Variants in RALYL observed in about 807,000 individuals in gnomAD.
RALYL encodes the protein RNA-binding Raly-like protein.
In RALYL, 29 loss-of-function variants were observed where a neutral mutation model predicts 35.1. That is an observed-to-expected ratio of 0.83 (90% confidence interval 0.61 to 1.13). RALYL has a LOEUF of 1.13. Ranked by LOEUF, RALYL falls within the 50% of genes most tolerant of loss-of-function variation. RALYL has a pLI of 0.00. For missense variants in RALYL, 359 were observed against 360.4 expected (o/e 1.00, Z 0.03); for synonymous variants, 120 against 127.6 (o/e 0.94, Z 0.40).
chr8:84,416,887 A>G (rs531591161), intron 1 of RALYL, among the ~76,000 whole-genome samples: 15 of 152,336 alleles, frequency 9.8e-5, no homozygotes, highest in African/African-American at 3.6e-4. Flanking sequence ...CATACATAGG[A>G]AAGTGTAGCC....
At position 84,348,910 on chromosome 8, in the gene RALYL, C is replaced by A. The variant is rs978253122; in HGVS notation, c.-24+164486C>A. On this transcript the variant is annotated intron_variant, in intron 1 of 8. Coordinates refer to ENST00000521268, the MANE Select transcript of RALYL (RefSeq NM_173848.7). ...CATAGGTTAACTATGATTAACTAAC[C>A]TGTGATTAACTCACCTATGGTTAGA... Among the ~76,000 whole-genome samples, 7 of 149,848 alleles carry A rather than the reference C, an allele frequency of 4.7e-5. 1 individual carries two copies. The highest frequency in any genetic ancestry group is 1.5e-4 in the African/African-American group (6 of 40,114).
intron 2 of RALYL, among the ~76,000 whole-genome samples, chr8:84,555,243 C>T (rs2061029288): frequency 6.6e-6 from 1 of 152,168 alleles, no homozygotes; most frequent in Admixed American, 6.5e-5. Flanking sequence ...CATGCCACTG[C>T]ACTCCAACGT....
intron 2 of RALYL, among the ~76,000 whole-genome samples, chr8:84,676,052 G>T (rs778828907): frequency 1.3e-5 from 2 of 151,980 alleles, no homozygotes. Flanking sequence ...TGTATATCTC[G>T]AATATATCCA....
chr8:84,523,938 T>C (rs891610712), intron 1 of RALYL, among the ~76,000 whole-genome samples: 7 of 152,086 alleles, frequency 4.6e-5, no homozygotes, highest in African/African-American at 1.4e-4. Context: ...GGGTTGGTTC[T>C]AAGTCTTTGC....
At chr8:84,193,070 G>C (rs1024692613) in intron 1 of RALYL, among the ~76,000 whole-genome samples, 1 of 151,848 alleles carries the variant, frequency 6.6e-6, no homozygotes, top group African/African-American at 2.4e-5. Context: ...TTGCCATTGA[G>C]AAAAAAATAT....
chr8:84,346,602 A>G (rs1849879055), intron 1 of RALYL, among the ~76,000 whole-genome samples: 1 of 151,974 alleles, frequency 6.6e-6, no homozygotes, highest in Non-Finnish European at 1.5e-5. Context: ...CCAAGTAGAT[A>G]GAAGTACAGG....
At chr8:84,608,186 T>C (rs1339220214) in intron 2 of RALYL, among the ~76,000 whole-genome samples, 1 of 152,078 alleles carries the variant, frequency 6.6e-6, no homozygotes, top group East Asian at 1.9e-4. Flanking sequence ...GCCTAGAGCA[T>C]CTCCTCCAGG....
chr8:84,775,886 G>A (rs1226115685), intron 3 of RALYL, among the ~76,000 whole-genome samples: 1 of 152,138 alleles, frequency 6.6e-6, no homozygotes, highest in Non-Finnish European at 1.5e-5. Flanking sequence ...TGTACTGTAA[G>A]TGCTGACTTT....
rs945181277 is a variant in RALYL at position 84,880,052 on chromosome 8, T to A, written c.685+6655T>A. ...GCTAATGGAAAAGTATTGGGGGATG[T>A]TGGAGGAGGATATTTGGCCACCATC... On this transcript the variant is annotated intron_variant, in intron 7 of 8. Transcript: ENST00000521268. Among the ~76,000 whole-genome samples the A allele has an allele frequency of 5.3e-5, 8 of 152,216 alleles. No homozygotes were observed. In the South Asian group the frequency reaches 8.3e-4, roughly 16 times the overall value.
chr8:84,329,069 C>T (rs777443946), intron 1 of RALYL, among the ~76,000 whole-genome samples: 79 of 152,174 alleles, frequency 5.2e-4, no homozygotes, highest in African/African-American at 1.7e-3. Flanking sequence ...GATGAAGATA[C>T]GAGTGCATTT....
intron 1 of RALYL, among the ~76,000 whole-genome samples, chr8:84,416,410 T>G (rs893120072): frequency 6.6e-6 from 1 of 152,144 alleles, no homozygotes; most frequent in South Asian, 2.1e-4. Context: ...AAGGCTCTCC[T>G]GAGAAGGTGG....
intron 1 of RALYL, among the ~76,000 whole-genome samples, chr8:84,501,753 G>A (rs973459410): frequency 3.3e-5 from 5 of 150,984 alleles, no homozygotes; most frequent in Non-Finnish European, 5.9e-5. Context: ...GCTCACAAAT[G>A]GCAATTTTTA....
chr8:84,598,016 C>CA (rs2130688695), intron 2 of RALYL, among the ~76,000 whole-genome samples: 1 of 152,248 alleles, frequency 6.6e-6, no homozygotes, highest in Non-Finnish European at 1.5e-5. Flanking sequence ...CTGAGCATGA[C>CA]ATACAAACCT....
At chr8:84,430,666 T>A (rs2047050955) in intron 1 of RALYL, among the ~76,000 whole-genome samples, 2 of 152,148 alleles carry the variant, frequency 1.3e-5, no homozygotes. Context: ...AAGCACTTTT[T>A]ATAAAATTAT....
chr8:84,336,751 G>A (rs1847878262), intron 1 of RALYL, among the ~76,000 whole-genome samples: 2 of 151,962 alleles, frequency 1.3e-5, no homozygotes, highest in African/African-American at 4.8e-5. Flanking sequence ...AGTTTATACA[G>A]AGCCACAACC....
At chr8:84,917,051 C>A (rs147830555) in intron 8 of RALYL, among the ~76,000 whole-genome samples, 6,196 of 151,950 alleles carry the variant, frequency 0.041, 395 homozygotes, top group African/African-American at 0.14. Flanking sequence ...CTTAGCATAC[C>A]ATATACAGTA....
intron 5 of RALYL, among the ~76,000 whole-genome samples, chr8:84,854,668 T>C (rs184406463): frequency 2.7e-4 from 41 of 152,284 alleles, no homozygotes; most frequent in African/African-American, 8.7e-4. Flanking sequence ...TAATTGCATA[T>C]AGAAACTCGT....
At chr8:84,849,840 G>A in intron 4 of RALYL, 140 bp from the exon 5 acceptor site, 1 of 508,960 alleles carries the variant, frequency 2.0e-6, no homozygotes, top group South Asian at 3.2e-5. Context: ...CATTATCTTG[G>A]AAGGTCCTTT....
At position 84,372,886 on chromosome 8, in the gene RALYL, G is replaced by GTTTTTTTTTTTTTGTTTTGTTTTTTTT. The variant is rs1856071710; in HGVS notation, c.-23-156400_-23-156399insGTTTTGTTTTTTTTTTTTTTTTTTTTT. ...TTTCTCCACAACCATGCCAGCATCT[G>GTTTTTTTTTTTTTGTTTTGTTTTTTTT]TTTTTTTTTTTTTTTTTTTTTTTTT... On this transcript the variant is annotated intron_variant, in intron 1 of 8. Coordinates refer to ENST00000521268, the MANE Select transcript of RALYL (RefSeq NM_173848.7). Among the ~76,000 whole-genome samples the GTTTTTTTTTTTTTGTTTTGTTTTTTTT allele has an allele frequency of 1.4e-3, 56 of 39,072 alleles. 3 individuals are homozygous for GTTTTTTTTTTTTTGTTTTGTTTTTTTT. The highest frequency in any genetic ancestry group is 2.1e-3 in the Non-Finnish European group (46 of 22,018). The allele number at this position is 39,072 out of a possible 152,430, so 25.6% of individuals were successfully genotyped here.
Sources: gnomAD v4.1 joint callset for allele counts (sites outside exome capture counted in the v4.1 genomes callset) on GRCh38, gnomAD v4.1.1 for gene constraint, MANE v1.5 for transcripts, NCBI Gene and HGNC (gene_info 2026-07-23, HGNC 2026-07-21) for gene names.